The following E2F3 variants were observed in gnomAD, a reference collection of about 807,000 sequenced individuals.
E2F3 encodes E2F transcription factor 3.
E2F3 carries 11 observed loss-of-function variants against 44.4 expected under a neutral mutation model. The observed-to-expected ratio is 0.25, with a 90% CI of 0.16 to 0.41. E2F3 has a LOEUF of 0.41. E2F3 is among the 10% of genes least tolerant of loss of function. E2F3 has a pLI of 1.00. For synonymous variants in E2F3, 249 were observed against 253.0 expected, an observed-to-expected ratio of 0.98 and a Z score of 0.15; for missense variants, 487 against 583.6, an observed-to-expected ratio of 0.83 and a Z score of 1.70.
At chr6:20,472,068 A>ACT (rs1554140461) in intron 1 of E2F3, among the ~76,000 whole-genome samples, 11 of 147,630 alleles carry the variant, frequency 7.5e-5, no homozygotes, top group South Asian at 2.2e-4. Flanking sequence ...ACACACACAC[A>ACT]CTCACATCTA....
At chr6:20,404,631 C>G (rs1759431420) in intron 1 of E2F3, among the ~76,000 whole-genome samples, 1 of 152,084 alleles carries the variant, frequency 6.6e-6, no homozygotes, top group Admixed American at 6.6e-5. Context: ...CTTTCCTGTT[C>G]CCAGTTTCTC....
rs151267492 is a variant in E2F3, at chr6:20,446,503, A to G, written c.394-33343A>G. 2.4e-3 allele frequency among the ~76,000 whole-genome samples: 360 copies of G among 152,320 alleles called. 1 individual carries two copies. The South Asian group carries it at 0.028, about 12-fold the overall frequency. ...AAGGTTGGAATCATTGCTGACCCCAATGTAAAATGCCTCTTTCTGGACCAG... is the reference window on the plus strand; with the variant it reads ...AAGGTTGGAATCATTGCTGACCCCAGTGTAAAATGCCTCTTTCTGGACCAG... On this transcript the variant is annotated intron_variant, in intron 1 of 6. Coordinates refer to ENST00000346618, the MANE Select transcript of E2F3 (RefSeq NM_001949.5).
intron 1 of E2F3, among the ~76,000 whole-genome samples, chr6:20,450,357 A>G (rs1317741045): frequency 6.6e-6 from 1 of 151,836 alleles, no homozygotes; most frequent in East Asian, 1.9e-4. Flanking sequence ...TTTGATTTGC[A>G]TTTTTCTAAT....
At chr6:20,480,093 C>A in intron 2 of E2F3, 136 bp downstream of exon 2, 1 of 1,417,118 alleles carries the variant, frequency 7.1e-7, no homozygotes, top group Non-Finnish European at 9.2e-7. Context: ...CTGTGCTTAT[C>A]CAAAAAAATA....
chr6:20,448,614 T>C (rs2127599637), intron 1 of E2F3, among the ~76,000 whole-genome samples: 1 of 152,314 alleles, frequency 6.6e-6, no homozygotes, highest in Non-Finnish European at 1.5e-5. Context: ...CTCCATGTGG[T>C]GTATTTTACA....
chr6:20,482,961 C>G, intron 4 of E2F3, 41 bp downstream of exon 4: 2 of 1,611,004 alleles, frequency 1.2e-6, no homozygotes. Context: ...TTAGTGCTTC[C>G]TAGACTATTT....
At chr6:20,472,022 T>G (rs1426362870) in intron 1 of E2F3, among the ~76,000 whole-genome samples, 1 of 87,796 alleles carries the variant, frequency 1.1e-5, no homozygotes, top group Non-Finnish European at 2.3e-5. Context: ...CTGCCCCCCC[T>G]CCAACACACA....
intron 1 of E2F3, among the ~76,000 whole-genome samples, chr6:20,461,094 A>G (rs1470481418): frequency 6.6e-6 from 1 of 150,828 alleles, no homozygotes; most frequent in Non-Finnish European, 1.5e-5. Flanking sequence ...TCTCATGCCC[A>G]TTCTTCTGCC....
At chr6:20,447,339 T>TGAGAGA (rs140836992) in intron 1 of E2F3, among the ~76,000 whole-genome samples, 1 of 149,908 alleles carries the variant, frequency 6.7e-6, no homozygotes, top group Non-Finnish European at 1.5e-5. Flanking sequence ...TGTGTGTGTA[T>TGAGAGA]GAGAGAGAGA....
At chr6:20,426,243 C>G (rs561259701) in intron 1 of E2F3, among the ~76,000 whole-genome samples, 1 of 152,130 alleles carries the variant, frequency 6.6e-6, no homozygotes, top group Non-Finnish European at 1.5e-5. Flanking sequence ...TTTAATTTAC[C>G]TTTTCTTCAA....
At chr6:20,462,868 T>C (rs1208019944) in intron 1 of E2F3, among the ~76,000 whole-genome samples, 23 of 66,024 alleles carry the variant, frequency 3.5e-4, no homozygotes, top group East Asian at 2.3e-3. Flanking sequence ...TCTTTTTTTT[T>C]TTTTTTTTTT....
At chr6:20,406,193 T>TA (rs1431314862) in intron 1 of E2F3, among the ~76,000 whole-genome samples, 23 of 152,094 alleles carry the variant, frequency 1.5e-4, no homozygotes, top group Non-Finnish European at 1.8e-4. Context: ...GGGGTAAAAA[T>TA]ATGAGTACTA....
intron 1 of E2F3, among the ~76,000 whole-genome samples, chr6:20,438,641 TAAAAC>T (rs1328941928): frequency 3.9e-5 from 6 of 152,162 alleles, no homozygotes; most frequent in African/African-American, 1.4e-4. Flanking sequence ...ATCACCACCT[TAAAAC>T]AAACCACCTA....
intron 1 of E2F3, among the ~76,000 whole-genome samples, chr6:20,448,498 G>A (rs1761021451): frequency 6.6e-6 from 1 of 152,134 alleles, no homozygotes; most frequent in Admixed American, 6.5e-5. Flanking sequence ...TTAGAAAATA[G>A]ATGTTTGTAA....
intron 1 of E2F3, among the ~76,000 whole-genome samples, chr6:20,471,386 T>G (rs1267104404): frequency 6.6e-6 from 1 of 152,094 alleles, no homozygotes; most frequent in African/African-American, 2.4e-5. Flanking sequence ...AGTTCGAGAC[T>G]AGCCTGGCCA....
At chr6:20,467,162 G>A (rs1172334904) in intron 1 of E2F3, among the ~76,000 whole-genome samples, 1 of 152,136 alleles carries the variant, frequency 6.6e-6, no homozygotes, top group Non-Finnish European at 1.5e-5. Flanking sequence ...AAGGCTTCTT[G>A]AACTATCTCT....
intron 1 of E2F3, among the ~76,000 whole-genome samples, chr6:20,432,001 C>G (rs947833116): frequency 6.6e-6 from 1 of 152,240 alleles, no homozygotes; most frequent in Non-Finnish European, 1.5e-5. Context: ...TCTTTTCCTT[C>G]AGATTGGATT....
At chr6:20,414,568 G>A (rs537167991) in intron 1 of E2F3, among the ~76,000 whole-genome samples, 3 of 151,982 alleles carry the variant, frequency 2.0e-5, no homozygotes, top group East Asian at 1.9e-4. Flanking sequence ...GGAAAGAGCC[G>A]TGTAAATTCT....
intron 1 of E2F3, among the ~76,000 whole-genome samples, chr6:20,419,805 A>G (rs1014343886): frequency 3.3e-5 from 5 of 152,034 alleles, no homozygotes; most frequent in East Asian, 1.9e-4. Context: ...AGCTCAGTCA[A>G]TCTGCCCGCC....
Sources: allele counts gnomAD v4.1 joint callset (sites outside exome capture counted in the v4.1 genomes callset), GRCh38; gene constraint gnomAD v4.1.1; transcripts MANE v1.5; gene names NCBI Gene and HGNC (gene_info 2026-07-23, HGNC 2026-07-21).